ST8SIA6: variants seen among roughly 807,000 people sequenced by gnomAD.
The protein encoded by ST8SIA6 is ST8 alpha-N-acetyl-neuraminide alpha-2,8-sialyltransferase 6.
ST8SIA6 carries 39 observed loss-of-function variants against 33.6 expected under a neutral mutation model. The observed-to-expected ratio is 1.16, with a 90% confidence interval of 0.90 to 1.52. ST8SIA6 has a LOEUF of 1.52. Ranked by LOEUF, ST8SIA6 falls within the 40% of genes most tolerant of loss-of-function variation. The pLI is 0.00. For missense variants in ST8SIA6, 441 were observed against 443.8 expected (o/e 0.99, Z 0.06); for synonymous variants, 172 against 167.2 (o/e 1.03, Z -0.22).
chr10:17,346,117 C>G (rs1258675076), intron 4 of ST8SIA6, among the ~76,000 whole-genome samples: 1 of 152,190 alleles, frequency 6.6e-6, no homozygotes, highest in Admixed American at 6.6e-5. Context: ...AGGAATTGAG[C>G]CTTCTTGAGC....
chr10:17,441,529 G>A lies in ST8SIA6; in HGVS notation c.200+12030C>T, dbSNP rs191166049. On this transcript the variant is annotated intron_variant, in intron 2 of 7. Transcript: ENST00000377602. ...GGTTTCACCATGTTAGGCTGCTCGC[G>A]AACTCCTGACCTCCAGTGATCCACC... is the stretch of plus-strand genomic sequence containing the variant. 1.4e-3 allele frequency among the ~76,000 whole-genome samples: 209 copies of A among 151,992 alleles called. 1 individual carries two copies. The highest frequency in any genetic ancestry group is 4.8e-3 in the African/African-American group (199 of 41,444).
chr10:17,448,502 C>G lies in ST8SIA6; in HGVS notation c.200+5057G>C, dbSNP rs190755618. ...AATTAGCTAGTTACACAAGCTTGTG[C>G]GGGCCGTTTCATTAATCTCCCAATA... On this transcript the variant is annotated intron_variant, in intron 2 of 7. Transcript: ENST00000377602. 2.0e-5 allele frequency among the ~76,000 whole-genome samples: 3 copies of G among 152,322 alleles called. No individual in the cohort carries two copies. The East Asian group carries it at 5.8e-4, about 29-fold the overall frequency.
intron 3 of ST8SIA6, among the ~76,000 whole-genome samples, chr10:17,374,764 T>TATATATATATATACACAC (rs1441288579): frequency 2.3e-4 from 29 of 126,844 alleles, no homozygotes; most frequent in African/African-American, 7.5e-4. Flanking sequence ...TATATATATA[T>TATATATATATATACACAC]ATATTTAGCT....
intron 2 of ST8SIA6, among the ~76,000 whole-genome samples, chr10:17,437,736 T>TCCC (rs1554803289): frequency 2.8e-5 from 4 of 145,224 alleles, no homozygotes; most frequent in African/African-American, 1.0e-4. Flanking sequence ...TTCCCTCCCT[T>TCCC]TCTCTCTTTC....
chr10:17,355,775 A>G (rs891969596), intron 4 of ST8SIA6, among the ~76,000 whole-genome samples: 26 of 152,328 alleles, frequency 1.7e-4, no homozygotes, highest in African/African-American at 6.0e-4. Flanking sequence ...TTACTCTGAT[A>G]ACCAGATCTC....
At chr10:17,409,547 A>G (rs1028317369) in intron 2 of ST8SIA6, 10 of 152,372 alleles carry the variant, frequency 6.6e-5, no homozygotes, top group Non-Finnish European at 1.3e-4. Flanking sequence ...AGCTTGGGCA[A>G]CATAGCAAGA....
At chr10:17,347,868 A>G (rs1046405462) in intron 4 of ST8SIA6, among the ~76,000 whole-genome samples, 1 of 148,140 alleles carries the variant, frequency 6.8e-6, no homozygotes, top group African/African-American at 2.5e-5. Context: ...AGGCAGGAGA[A>G]TCGCTTGAAC....
intron 4 of ST8SIA6, among the ~76,000 whole-genome samples, chr10:17,350,649 CTT>C (rs200376251): frequency 1.4e-5 from 2 of 146,624 alleles, no homozygotes; most frequent in Admixed American, 6.8e-5. Context: ...TAGACACCAC[CTT>C]TTTTTTTTTT....
At chr10:17,341,034 ATTAC>A (rs1257726248) in intron 4 of ST8SIA6, among the ~76,000 whole-genome samples, 1 of 152,218 alleles carries the variant, frequency 6.6e-6, no homozygotes. Context: ...ATACTTTGGT[ATTAC>A]AGGTTGAGAA....
Position 17,390,623 on chromosome 10 carries a change from G to A in ST8SIA6, c.201-3C>T, listed in dbSNP as rs756919796. 6.2e-7 allele frequency: 1 copy of A among 1,602,244 alleles called. No individual in the cohort carries two copies. Among genetic ancestry groups the A allele is most frequent in the African/African-American group, 1.3e-5 (1 of 74,348 alleles). ...GCGACTTCTCATTCAGATATGTGCT[G>A]TTTCATGAAAGAGATTTTTAAAAAG... On this transcript the variant is annotated splice_region_variant and splice_polypyrimidine_tract_variant and intron_variant, in intron 2 of 7. Transcript: ENST00000377602.
At chr10:17,408,424 GGAGGCC>G (rs1851343883) in intron 2 of ST8SIA6, 1 of 152,228 alleles carries the variant, frequency 6.6e-6, no homozygotes, top group East Asian at 1.9e-4. Flanking sequence ...CAGCAGTTTG[GGAGGCC>G]GAGGAGGGTG....
chr10:17,345,294 T>G (rs748095193), intron 4 of ST8SIA6, among the ~76,000 whole-genome samples: 1 of 152,174 alleles, frequency 6.6e-6, no homozygotes, highest in Non-Finnish European at 1.5e-5. Flanking sequence ...AATCTTGTGT[T>G]TATATTTTGC....
At chr10:17,335,817 A>G (rs1286682679) in intron 4 of ST8SIA6, among the ~76,000 whole-genome samples, 1 of 152,232 alleles carries the variant, frequency 6.6e-6, no homozygotes, top group African/African-American at 2.4e-5. Context: ...ATTTTGAGAA[A>G]AAGCAACATA....
intron 4 of ST8SIA6, among the ~76,000 whole-genome samples, chr10:17,344,634 C>T (rs1001946900): frequency 6.6e-6 from 1 of 152,156 alleles, no homozygotes; most frequent in Non-Finnish European, 1.5e-5. Flanking sequence ...ATCATCTGTC[C>T]TTCGTGGGAA....
At chr10:17,323,309 C>T (rs12256692) in intron 6 of ST8SIA6, 152 bp from the exon 7 acceptor site, 7,073 of 444,916 alleles carry the variant, frequency 0.016, 419 homozygotes, top group African/African-American at 0.13. Flanking sequence ...CCCTCAGAAT[C>T]CATTTGGTTT....
chr10:17,348,907 C>T (rs1420987593), intron 4 of ST8SIA6, among the ~76,000 whole-genome samples: 4 of 137,862 alleles, frequency 2.9e-5, no homozygotes, highest in Admixed American at 1.5e-4. Flanking sequence ...GTAATCGGGG[C>T]GGGGCGGGGC....
intron 3 of ST8SIA6, among the ~76,000 whole-genome samples, chr10:17,386,557 T>G (rs535155474): frequency 2.0e-5 from 3 of 152,066 alleles, no homozygotes; most frequent in Non-Finnish European, 4.4e-5. Flanking sequence ...AAGAAAAGCA[T>G]GTAGTTAACC....
At position 17,316,043 on chromosome 10, in the gene ST8SIA6, A is replaced by G. The variant is rs964054708; in HGVS notation, c.*4835T>C. ...TACTTACAATTTTGAGTCAGCTTCT[A>G]TATTTATTTATGTAGTAGTAAGAAT... On this transcript the variant is annotated 3_prime_UTR_variant, in exon 8 of 8. Transcript: ENST00000377602. 2.6e-5 allele frequency among the ~76,000 whole-genome samples: 4 copies of G among 151,996 alleles called. No individual in the cohort carries two copies. Among genetic ancestry groups the G allele is most frequent in the African/African-American group, 4.8e-5 (2 of 41,416 alleles).
At chr10:17,426,358 A>G (rs1449175651) in intron 2 of ST8SIA6, among the ~76,000 whole-genome samples, 2 of 152,198 alleles carry the variant, frequency 1.3e-5, no homozygotes, top group Non-Finnish European at 2.9e-5. Flanking sequence ...ACATAAGGAA[A>G]TGCATGTCAT....
Sources: gnomAD v4.1 joint callset for allele counts (sites outside exome capture counted in the v4.1 genomes callset) on GRCh38, gnomAD v4.1.1 for gene constraint, MANE v1.5 for transcripts, NCBI Gene and HGNC (gene_info 2026-07-23, HGNC 2026-07-21) for gene names.